HDHD2: variants seen among roughly 807,000 people sequenced by gnomAD.
HDHD2 encodes the protein haloacid dehalogenase-like hydrolase domain-containing protein 2.
In HDHD2, 26 loss-of-function variants were observed where a neutral mutation model predicts 24.8. The ratio of observed to expected loss-of-function variants is 1.05; its 90% CI spans 0.77 to 1.45. The LOEUF (loss-of-function observed/expected upper bound fraction) is 1.45. Among genes scored for constraint, HDHD2 ranks in the 40% most tolerant of loss-of-function variants. HDHD2 has a pLI of 0.00. For synonymous variants in HDHD2, 128 were observed against 114.9 expected, an observed-to-expected ratio of 1.11 and a Z score of -0.73; for missense variants, 299 against 313.4, an observed-to-expected ratio of 0.95 and a Z score of 0.35.
chr18:47,125,613 C>T (rs1034598420), intron 4 of HDHD2, among the ~76,000 whole-genome samples: 1 of 152,184 alleles, frequency 6.6e-6, no homozygotes, highest in African/African-American at 2.4e-5. Flanking sequence ...CACGCAAAAA[C>T]TTGGATAAAT....
At chr18:47,115,657 A>G (rs1008279690) in intron 4 of HDHD2, among the ~76,000 whole-genome samples, 2 of 151,936 alleles carry the variant, frequency 1.3e-5, no homozygotes, top group Admixed American at 1.3e-4. Context: ...TAAATAAGAC[A>G]CTCCAGGGAA....
chr18:47,134,775 T>C, intron 2 of HDHD2, 71 bp from the exon 3 acceptor site: 1 of 1,268,006 alleles, frequency 7.9e-7, no homozygotes, highest in African/African-American at 1.5e-5. Flanking sequence ...TCCTAATTTG[T>C]TAAAACTGTG....
rs1257848924 is a variant in HDHD2 at position 47,108,198 on chromosome 18, T to C, written c.*484A>G. 1.3e-5 allele frequency: 2 copies of C among 152,926 alleles called. No individual in the cohort carries two copies. The highest frequency in any genetic ancestry group is 4.8e-5 in the African/African-American group (2 of 41,472). The allele number at this position is 152,926 out of a possible 1,614,324, so 9.5% of individuals were successfully genotyped here. A position where few individuals can be genotyped will look rare whatever the true frequency, so the allele number is the denominator to read the frequency against. ...GCTAAAGAACAATTCACTTTGTTGC[T>C]TTCTGTCTTCTCCATTTGGCACATC... On this transcript the variant is annotated 3_prime_UTR_variant, in exon 7 of 7. Transcript: ENST00000300605.
At chr18:47,117,000 G>C (rs906726517) in intron 4 of HDHD2, among the ~76,000 whole-genome samples, 1 of 152,026 alleles carries the variant, frequency 6.6e-6, no homozygotes, top group Non-Finnish European at 1.5e-5. Flanking sequence ...AATGGGAACT[G>C]GTTCTACACT....
chr18:47,113,959 A>G (rs2571014), intron 5 of HDHD2, among the ~76,000 whole-genome samples: 104,454 of 151,964 alleles, frequency 0.69, 36,932 homozygotes, highest in African/African-American at 0.87. Context: ...GCAGGGAACC[A>G]CCACTTTCCT....
chr18:47,139,653 A>G (rs1351972381), intron 1 of HDHD2, among the ~76,000 whole-genome samples: 4 of 152,084 alleles, frequency 2.6e-5, no homozygotes, highest in African/African-American at 9.7e-5. Flanking sequence ...GTGTCTGAAA[A>G]TGGAGGAGGC....
chr18:47,117,166 T>G (rs895722107), intron 4 of HDHD2, among the ~76,000 whole-genome samples: 1 of 152,218 alleles, frequency 6.6e-6, no homozygotes, highest in Non-Finnish European at 1.5e-5. Flanking sequence ...TTAAAAGATC[T>G]TTTATAGTTA....
chr18:47,146,805 A>G (rs968925807), intron 1 of HDHD2, among the ~76,000 whole-genome samples: 8 of 152,210 alleles, frequency 5.3e-5, no homozygotes, highest in African/African-American at 1.9e-4. Context: ...AGGTGATAAA[A>G]CTGTAAAGAG....
chr18:47,135,048 AAAC>A (rs1454161276), intron 2 of HDHD2, among the ~76,000 whole-genome samples: 40 of 152,124 alleles, frequency 2.6e-4, no homozygotes, highest in Admixed American at 1.6e-3. Flanking sequence ...TTTTTACTTT[AAAC>A]AACATGTTGT....
intron 3 of HDHD2, 182 bp downstream of exon 3, chr18:47,134,314 A>T: frequency 1.7e-6 from 1 of 604,762 alleles, no homozygotes; most frequent in Non-Finnish European, 2.9e-6. Flanking sequence ...TGTTTCACTT[A>T]CTGTGGATTA....
Position 47,131,139 on chromosome 18 carries a change from G to A in HDHD2, c.311-811C>T, listed in dbSNP as rs112677133. ...TTCCAGGCATGTGCCAACCACACCC[G>A]GCTAATTTTGTATTTTTGGTAGAGA... On this transcript the variant is annotated intron_variant, in intron 3 of 6. Transcript: ENST00000300605. Among the ~76,000 whole-genome samples, 891 of 152,088 alleles carry A rather than the reference G, an allele frequency of 5.9e-3. 11 individuals are homozygous for A. The highest frequency in any genetic ancestry group is 0.021 in the African/African-American group (861 of 41,488).
At chr18:47,118,206 C>T (rs1228402039) in intron 4 of HDHD2, among the ~76,000 whole-genome samples, 1 of 152,134 alleles carries the variant, frequency 6.6e-6, no homozygotes, top group Non-Finnish European at 1.5e-5. Context: ...CACAATTCCT[C>T]AAAGCCCTAG....
At chr18:47,149,493 A>G (rs1198786421) in intron 1 of HDHD2, among the ~76,000 whole-genome samples, 1 of 152,144 alleles carries the variant, frequency 6.6e-6, no homozygotes, top group East Asian at 1.9e-4. Context: ...AAGTCTGAAC[A>G]ATGAACACTG....
intron 4 of HDHD2, among the ~76,000 whole-genome samples, chr18:47,124,706 CA>C (rs34350751): frequency 8.9e-3 from 387 of 43,356 alleles, no homozygotes; most frequent in African/African-American, 0.03. Context: ...AACTCTGACT[CA>C]AAAAAAAAAA....
intron 1 of HDHD2, 143 bp downstream of exon 1, chr18:47,150,235 C>T (rs2063917481): frequency 6.6e-6 from 1 of 152,314 alleles, no homozygotes; most frequent in South Asian, 2.1e-4. Flanking sequence ...AGGGAATGCG[C>T]ACAGAGCAAG....
chr18:47,127,395 T>C (rs940190030), intron 4 of HDHD2, among the ~76,000 whole-genome samples: 7 of 152,200 alleles, frequency 4.6e-5, no homozygotes, highest in South Asian at 2.1e-4. Flanking sequence ...ACTGGCTATG[T>C]GCTAAAATGT....
At chr18:47,127,020 G>C (rs1218568521) in intron 4 of HDHD2, among the ~76,000 whole-genome samples, 7 of 152,076 alleles carry the variant, frequency 4.6e-5, no homozygotes, top group Admixed American at 3.9e-4. Context: ...AATTAGCTGG[G>C]CGTGGTGGTG....
At chr18:47,113,893 G>A (rs950199827) in intron 5 of HDHD2, among the ~76,000 whole-genome samples, 2 of 152,100 alleles carry the variant, frequency 1.3e-5, no homozygotes, top group Admixed American at 1.3e-4. Context: ...GAGTGGAGAT[G>A]GGGGAGAGGA....
chr18:47,115,372 A>C (rs1402646084), intron 4 of HDHD2, 24 bp from the exon 5 acceptor site: 5 of 1,579,986 alleles, frequency 3.2e-6, no homozygotes, highest in Admixed American at 3.4e-5. Flanking sequence ...CAACAAAAAA[A>C]ACAAATTGGC....
Sources: allele counts gnomAD v4.1 joint callset (sites outside exome capture counted in the v4.1 genomes callset), GRCh38; gene constraint gnomAD v4.1.1; transcripts MANE v1.5; gene names NCBI Gene and HGNC (gene_info 2026-07-23, HGNC 2026-07-21).